The following TECTA variants were observed in gnomAD, a reference collection of about 807,000 sequenced individuals.
The protein encoded by TECTA is alpha-tectorin.
A neutral mutation model predicts 216.8 loss-of-function variants in TECTA; 128 were observed. The ratio of observed to expected loss-of-function variants is 0.59; its 90% CI spans 0.51 to 0.68. The LOEUF (loss-of-function observed/expected upper bound fraction) is 0.68. TECTA is among the 30% of genes least tolerant of loss of function. The pLI, the probability that TECTA is intolerant of heterozygous loss-of-function variation, is 0.00. For missense variants in TECTA, 2,551 were observed against 2,786.2 expected, an observed-to-expected ratio of 0.92 and a Z score of 1.90; for synonymous variants, 1,089 against 1,117.1, an observed-to-expected ratio of 0.97 and a Z score of 0.50.
chr11:121,166,879 T>C, intron 18 of TECTA, 99 bp downstream of exon 18: 1 of 1,383,162 alleles, frequency 7.2e-7, no homozygotes, highest in South Asian at 1.2e-5. Context: ...GGTGATCTGC[T>C]TAGAAATATG....
chr11:121,169,634 T>C (rs1947091439), intron 20 of TECTA, among the ~76,000 whole-genome samples: 2 of 152,256 alleles, frequency 1.3e-5, no homozygotes, highest in African/African-American at 4.8e-5. Flanking sequence ...AATCAATGGT[T>C]TTTGGTAAAT....
Position 121,104,880 on chromosome 11 carries a change from G to C in TECTA, c.65-951G>C, listed in dbSNP as rs979326324. ...AAAGGAAAAAAGGGAGAAAACGATAGTGTCCTATTGTCTTATATTCATTCA... is the reference window on the plus strand; with the variant it reads ...AAAGGAAAAAAGGGAGAAAACGATACTGTCCTATTGTCTTATATTCATTCA... On this transcript the variant is annotated intron_variant, in intron 2 of 23. Coordinates refer to ENST00000392793, the MANE Select transcript of TECTA (RefSeq NM_005422.4). Among the ~76,000 whole-genome samples the C allele has an allele frequency of 2.0e-5, 3 of 152,230 alleles. No individual in the cohort carries two copies. In the South Asian group the frequency reaches 6.2e-4, roughly 32 times the overall value.
intron 6 of TECTA, among the ~76,000 whole-genome samples, chr11:121,117,156 T>C (rs1324145614): frequency 6.6e-6 from 1 of 152,266 alleles, no homozygotes; most frequent in African/African-American, 2.4e-5. Flanking sequence ...CTTTGATACT[T>C]GCCTTTTCAG....
intron 12 of TECTA, among the ~76,000 whole-genome samples, chr11:121,150,386 A>C (rs1565530662): frequency 6.6e-6 from 1 of 152,238 alleles, no homozygotes; most frequent in Non-Finnish European, 1.5e-5. Flanking sequence ...AAAAAAATTA[A>C]ATCACAAAAA....
At chr11:121,182,511 G>A (rs1349907345) in intron 20 of TECTA, among the ~76,000 whole-genome samples, 1 of 152,206 alleles carries the variant, frequency 6.6e-6, no homozygotes, top group African/African-American at 2.4e-5. Flanking sequence ...ATGTGCATGG[G>A]TGCTGGGAGT....
intron 2 of TECTA, among the ~76,000 whole-genome samples, chr11:121,103,321 C>T (rs939527801): frequency 6.6e-6 from 1 of 152,124 alleles, no homozygotes; most frequent in Non-Finnish European, 1.5e-5. Context: ...TAGACAAAGA[C>T]GGGGCGGTCT....
In TECTA at chr11:121,109,449, T is replaced by C. The variant is rs143458087; in HGVS notation, c.437T>C (p.Ile146Thr). 8.7e-6 allele frequency: 14 copies of C among 1,614,064 alleles called. No individual in the cohort carries two copies. The highest frequency in any genetic ancestry group is 6.7e-5 in the East Asian group (3 of 44,896). Residue 146 changes from isoleucine (I) to threonine (T), a missense_variant, in exon 4 of 24, where the codon ATT becomes ACT. By Grantham distance (89) the Ile-to-Thr change is moderately conservative. Transcript: ENST00000392793. ...ACCTTCTCTGCCACTTGGGTTTTCA[T>C]TGTGACATGGGAGGAAGTCACGTTT... ...MATFSATWVF[I>T]VTWEEVTFYG...
Position 121,187,916 on chromosome 11 carries a change from A to G in TECTA, c.6084A>G (p.Lys2028=). Reference sequence around the variant, plus strand: ...GTCGCTTTCACGTCACCGTCTTTAAATTCATAGGGGATTACGACGAAGTTC... The same window carrying G: ...GTCGCTTTCACGTCACCGTCTTTAAGTTCATAGGGGATTACGACGAAGTTC... ...LTCRFHVTVF[K]FIGDYDEVHL... The change falls in exon 21 of 24, where the codon AAA becomes AAG. Residue 2028 remains lysine, a synonymous_variant. Coordinates refer to ENST00000392793, the MANE Select transcript of TECTA (RefSeq NM_005422.4). The G allele has an allele frequency of 6.2e-7, 1 of 1,614,228 alleles. No homozygotes were observed. Among genetic ancestry groups the G allele is most frequent in the Admixed American group, 1.7e-5 (1 of 60,030 alleles).
chr11:121,116,694 T>A (rs1477087944), intron 6 of TECTA, among the ~76,000 whole-genome samples: 2 of 152,212 alleles, frequency 1.3e-5, no homozygotes, highest in African/African-American at 4.8e-5. Flanking sequence ...GTAGAGCTGG[T>A]TTATTATATC....
intron 22 of TECTA, 143 bp from the exon 23 acceptor site, chr11:121,189,621 G>C: frequency 1.4e-6 from 1 of 729,442 alleles, no homozygotes; most frequent in Non-Finnish European, 2.4e-6. Flanking sequence ...TGATCCACCC[G>C]CCTCGGCCTC....
intron 20 of TECTA, among the ~76,000 whole-genome samples, chr11:121,182,375 G>A (rs4499012): frequency 0.26 from 39,184 of 151,890 alleles, 6,206 homozygotes; most frequent in African/African-American, 0.44. Context: ...TGGCACATTG[G>A]TGAGTTCTGG....
chr11:121,129,734 G>A lies in TECTA; in HGVS notation c.2464G>A (p.Val822Met), dbSNP rs762905314. The change falls in exon 10 of 24, where the codon GTG (valine) becomes ATG (methionine). Residue 822 changes from valine (V) to methionine (M), a missense_variant. By Grantham distance (21) the Val-to-Met change is conservative. This residue lies in a region of TECTA where 2,375 missense variants were observed against 2,563.9 expected (regional missense o/e 0.93). Coordinates refer to ENST00000392793, the MANE Select transcript of TECTA (RefSeq NM_005422.4). ...KNSTTVESKG[V>M]VTVQYSDIGL... ...CAGTACGACAGTGGAGTCCAAGGGC[G>A]TGGTGACTGTCCAGTACTCAGACAT... The A allele has an allele frequency of 9.9e-6, 16 of 1,614,076 alleles. No individual in the cohort carries two copies. Among genetic ancestry groups the A allele is most frequent in the East Asian group, 2.2e-5 (1 of 44,898 alleles).
At chr11:121,111,096 A>G (rs1054651904) in intron 4 of TECTA, among the ~76,000 whole-genome samples, 4 of 152,216 alleles carry the variant, frequency 2.6e-5, no homozygotes, top group African/African-American at 9.6e-5. Flanking sequence ...TGCGACGCCA[A>G]CAGAAGGGAA....
At chr11:121,164,055 A>G (rs1318648226) in intron 16 of TECTA, among the ~76,000 whole-genome samples, 1 of 152,210 alleles carries the variant, frequency 6.6e-6, no homozygotes, top group African/African-American at 2.4e-5. Context: ...CACGTAATGT[A>G]ATTAGTTACC....
rs1274361243 is a variant in TECTA at position 121,129,642 on chromosome 11, A to G, written c.2372A>G (p.Asn791Ser). ...GGIGASEVKL[N>S]GQEVELPFFH... ...AAGAATGACTTGATTTTTCAGTTGAATGGTCAGGAAGTGGAATTGCCTTTT... is the reference window on the plus strand; with the variant it reads ...AAGAATGACTTGATTTTTCAGTTGAGTGGTCAGGAAGTGGAATTGCCTTTT... The change falls in exon 10 of 24, where the codon AAT (asparagine) becomes AGT (serine). Residue 791 changes from asparagine to serine, a missense_variant. Transcript: ENST00000392793. 5 of 1,614,062 alleles carry G rather than the reference A, an allele frequency of 3.1e-6. No individual in the cohort carries two copies. The highest frequency in any genetic ancestry group is 4.2e-6 in the Non-Finnish European group (5 of 1,180,034).
In TECTA at chr11:121,137,203, C is replaced by G. The variant is rs571332378; in HGVS notation, c.2942-218C>G. ...ACACACAGGCACTCATACGTACACA[C>G]ACGCACTCGCACACATGCATGCACA... On this transcript the variant is annotated intron_variant, in intron 10 of 23. Transcript: ENST00000392793. Among the ~76,000 whole-genome samples the G allele has an allele frequency of 2.0e-5, 3 of 152,262 alleles. No individual in the cohort carries two copies. The South Asian group carries it at 6.2e-4, about 32-fold the overall frequency.
chr11:121,147,965 C>T (rs1946855272), intron 12 of TECTA, among the ~76,000 whole-genome samples: 1 of 152,234 alleles, frequency 6.6e-6, no homozygotes, highest in Non-Finnish European at 1.5e-5. Context: ...CAAGGCCTCA[C>T]AACCTTACCC....
chr11:121,151,838 G>A (rs1346494953), intron 12 of TECTA, among the ~76,000 whole-genome samples: 1 of 152,028 alleles, frequency 6.6e-6, no homozygotes, highest in Non-Finnish European at 1.5e-5. Context: ...TACTGTATAG[G>A]GTATAGGGTA....
intron 20 of TECTA, among the ~76,000 whole-genome samples, chr11:121,181,280 T>C (rs1297507662): frequency 1.3e-5 from 2 of 152,222 alleles, no homozygotes; most frequent in African/African-American, 4.8e-5. Context: ...GTTCTTTTTA[T>C]CTGTCTCTTT....
Sources: gnomAD v4.1 joint callset for allele counts (sites outside exome capture counted in the v4.1 genomes callset) on GRCh38, gnomAD v4.1.1 for gene constraint, gnomAD v4.1.1 regional missense constraint, MANE v1.5 for transcripts, NCBI Gene and HGNC (gene_info 2026-07-23, HGNC 2026-07-21) for gene names.